Variants in CSMD1 observed in about 807,000 individuals in gnomAD.
CSMD1 encodes CUB and Sushi multiple domains 1, also known as CUB and sushi domain-containing protein 1.
Under a neutral mutation model 417.5 loss-of-function variants are expected in CSMD1, and 213 were observed. The observed-to-expected ratio is 0.51, with a 90% CI of 0.46 to 0.57. The LOEUF (loss-of-function observed/expected upper bound fraction) is 0.57, where lower values mean the gene tolerates loss of function less well. Among genes scored for constraint, CSMD1 ranks in the 20% least tolerant of loss-of-function variants. The pLI, the probability that CSMD1 is intolerant of heterozygous loss-of-function variation, is 0.00. For synonymous variants in CSMD1, 2,862 were observed against 1,736.8 expected, an observed-to-expected ratio of 1.65 and a Z score of -16.11; for missense variants, 6,923 against 4,529.7, an observed-to-expected ratio of 1.53 and a Z score of -15.17.
chr8:4,585,229 G>T (rs1799639226), intron 2 of CSMD1, among the ~76,000 whole-genome samples: 1 of 152,144 alleles, frequency 6.6e-6, no homozygotes, highest in Non-Finnish European at 1.5e-5. Flanking sequence ...AACATCAGCA[G>T]AGAACTGCCA....
At chr8:4,893,774 C>G (rs997153038) in intron 1 of CSMD1, among the ~76,000 whole-genome samples, 2 of 152,060 alleles carry the variant, frequency 1.3e-5, no homozygotes, top group South Asian at 2.1e-4. Flanking sequence ...GCTTTCAGAG[C>G]CAATGTCACA....
At chr8:3,002,427 A>T (rs1051252757) in intron 52 of CSMD1, among the ~76,000 whole-genome samples, 1 of 152,158 alleles carries the variant, frequency 6.6e-6, no homozygotes, top group African/African-American at 2.4e-5. Context: ...GATCCCAGCC[A>T]TTTCTGAGGC....
At chr8:4,990,930 C>T (rs1289729096) in intron 1 of CSMD1, among the ~76,000 whole-genome samples, 2 of 152,178 alleles carry the variant, frequency 1.3e-5, no homozygotes, top group Non-Finnish European at 2.9e-5. Context: ...GCTCACATCT[C>T]TGCTGGGTGG....
intron 51 of CSMD1, among the ~76,000 whole-genome samples, chr8:3,027,304 T>C (rs1810003998): frequency 6.6e-6 from 1 of 152,168 alleles, no homozygotes; most frequent in South Asian, 2.1e-4. Context: ...TCTGATACCA[T>C]TCTCCACCAG....
In CSMD1 at chr8:3,230,265, G is replaced by T. The variant is rs747329952; in HGVS notation, c.4154-34C>A. On this transcript the variant is annotated intron_variant, in intron 26 of 69. Coordinates refer to ENST00000635120, the MANE Select transcript of CSMD1 (RefSeq NM_033225.6). ...AAAAGAGAAGGCAAGGTCACAGGCTGGAAAACATGGTTTCCACATTCTTGT... is the reference window on the plus strand; with the variant it reads ...AAAAGAGAAGGCAAGGTCACAGGCTTGAAAACATGGTTTCCACATTCTTGT... 2.1e-5 allele frequency: 32 copies of T among 1,497,858 alleles called. No homozygotes were observed. In the South Asian group the frequency reaches 3.6e-4, roughly 17 times the overall value. 92.8% of individuals were successfully genotyped at this position (1,497,858 alleles called of 1,614,324 possible). A position where few individuals can be genotyped will look rare whatever the true frequency, so the allele number is the denominator to read the frequency against.
intron 5 of CSMD1, among the ~76,000 whole-genome samples, chr8:3,988,442 C>T (rs747507768): frequency 6.6e-6 from 1 of 152,180 alleles, no homozygotes; most frequent in South Asian, 2.1e-4. Context: ...ATGTACGCCA[C>T]TCACAAACAC....
chr8:3,860,818 G>A (rs1804649318), intron 5 of CSMD1, among the ~76,000 whole-genome samples: 1 of 152,104 alleles, frequency 6.6e-6, no homozygotes, highest in Admixed American at 6.6e-5. Context: ...TAGTTTTCTG[G>A]TGAACAAACG....
intron 25 of CSMD1, among the ~76,000 whole-genome samples, chr8:3,299,855 A>T (rs879331040): frequency 2.6e-5 from 4 of 152,224 alleles, no homozygotes; most frequent in Non-Finnish European, 5.9e-5. Context: ...GTCCAGTTTC[A>T]GAGAGAATGT....
At chr8:3,903,195 C>G (rs1183526517) in intron 5 of CSMD1, among the ~76,000 whole-genome samples, 1 of 152,078 alleles carries the variant, frequency 6.6e-6, no homozygotes, top group Non-Finnish European at 1.5e-5. Context: ...TCTTCTTACC[C>G]TTCAGTGTGA....
At chr8:4,182,140 TA>T (rs1471743758) in intron 3 of CSMD1, among the ~76,000 whole-genome samples, 2 of 151,880 alleles carry the variant, frequency 1.3e-5, no homozygotes, top group African/African-American at 4.8e-5. Context: ...AAGACAGAAC[TA>T]AAAAAACAAC....
chr8:3,441,484 T>C (rs1814980826), intron 12 of CSMD1, among the ~76,000 whole-genome samples: 1 of 128,844 alleles, frequency 7.8e-6, no homozygotes, highest in Non-Finnish European at 1.6e-5. Context: ...GCTTATGGCA[T>C]ATAATTTCAT....
chr8:4,083,346 T>C (rs1344663548), intron 3 of CSMD1, among the ~76,000 whole-genome samples: 1 of 152,184 alleles, frequency 6.6e-6, no homozygotes, highest in African/African-American at 2.4e-5. Context: ...GGTTTTGATT[T>C]GCATTTCTCT....
intron 9 of CSMD1, among the ~76,000 whole-genome samples, chr8:3,582,391 T>C (rs1414602389): frequency 3.3e-5 from 5 of 152,188 alleles, no homozygotes; most frequent in Non-Finnish European, 7.3e-5. Flanking sequence ...TACTCAGGGT[T>C]CCTAAAAGTT....
At chr8:4,505,988 G>A (rs1229038683) in intron 2 of CSMD1, among the ~76,000 whole-genome samples, 2 of 151,850 alleles carry the variant, frequency 1.3e-5, no homozygotes, top group African/African-American at 4.8e-5. Context: ...AGTGGAGATG[G>A]GGTGTCAATA....
chr8:3,030,248 T>C (rs1241011676), intron 50 of CSMD1, among the ~76,000 whole-genome samples: 2 of 151,958 alleles, frequency 1.3e-5, no homozygotes, highest in South Asian at 2.1e-4. Flanking sequence ...AGAGTCTGAG[T>C]TGTATGTGGG....
At chr8:3,808,307 T>C (rs1235691377) in intron 5 of CSMD1, among the ~76,000 whole-genome samples, 2 of 152,190 alleles carry the variant, frequency 1.3e-5, no homozygotes, top group African/African-American at 4.8e-5. Context: ...TTTATATTAA[T>C]GGGAGCCTCT....
intron 47 of CSMD1, among the ~76,000 whole-genome samples, chr8:3,096,438 TTC>T (rs1815302763): frequency 6.6e-6 from 1 of 152,012 alleles, no homozygotes; most frequent in African/African-American, 2.4e-5. Context: ...CCTGCACAAG[TTC>T]TCTCTCATGT....
intron 3 of CSMD1, among the ~76,000 whole-genome samples, chr8:4,048,248 T>C (rs1211723008): frequency 6.6e-6 from 1 of 152,198 alleles, no homozygotes; most frequent in African/African-American, 2.4e-5. Context: ...GAGATTAGAA[T>C]GAAAAGTGAT....
intron 18 of CSMD1, among the ~76,000 whole-genome samples, chr8:3,378,431 C>T (rs1011784397): frequency 6.6e-6 from 1 of 152,060 alleles, no homozygotes; most frequent in African/African-American, 2.4e-5. Flanking sequence ...CAAAACCTGG[C>T]AAAGGCACAG....
Sources: gnomAD v4.1 joint callset for allele counts (sites outside exome capture counted in the v4.1 genomes callset) on GRCh38, gnomAD v4.1.1 for gene constraint, MANE v1.5 for transcripts, NCBI Gene and HGNC (gene_info 2026-07-23, HGNC 2026-07-21) for gene names.